Variants in CDH12 observed in about 807,000 individuals in gnomAD.
The protein encoded by CDH12 is cadherin-12.
A neutral mutation model predicts 74.1 loss-of-function variants in CDH12; 41 were observed. That is an observed-to-expected ratio of 0.55 (90% CI 0.43 to 0.72). CDH12 has a LOEUF of 0.72. Among genes scored for constraint, CDH12 ranks in the 30% least tolerant of loss-of-function variants. The pLI is 0.00. For missense variants in CDH12, 945 were observed against 977.2 expected (o/e 0.97, Z 0.44); for synonymous variants, 399 against 355.0 (o/e 1.12, Z -1.39).
intron 1 of CDH12, among the ~76,000 whole-genome samples, chr5:22,685,717 A>C (rs925550385): frequency 6.6e-6 from 1 of 152,230 alleles, no homozygotes; most frequent in Non-Finnish European, 1.5e-5. Context: ...CAATGTCGTA[A>C]CATGCATCAT....
At chr5:22,496,395 G>A (rs147325113) in intron 2 of CDH12, among the ~76,000 whole-genome samples, 131 of 152,278 alleles carry the variant, frequency 8.6e-4, no homozygotes, top group African/African-American at 3.1e-3. Context: ...ACATAATGTA[G>A]ATGGATTTTG....
chr5:22,557,319 A>C (rs561269790), intron 1 of CDH12, among the ~76,000 whole-genome samples: 1 of 152,250 alleles, frequency 6.6e-6, no homozygotes, highest in African/African-American at 2.4e-5. Context: ...TGAAAGTATA[A>C]CAATGCAATT....
intron 1 of CDH12, among the ~76,000 whole-genome samples, chr5:22,597,809 T>C (rs1270850571): frequency 2.0e-5 from 3 of 152,214 alleles, no homozygotes; most frequent in Admixed American, 1.3e-4. Flanking sequence ...ACTTCCATAA[T>C]ATTGTTCAAG....
intron 1 of CDH12, among the ~76,000 whole-genome samples, chr5:22,792,237 C>T (rs1311531116): frequency 4.0e-5 from 6 of 151,714 alleles, no homozygotes; most frequent in African/African-American, 9.7e-5. Flanking sequence ...TACAGGTGCC[C>T]GCCATCACGC....
chr5:22,818,285 T>C (rs1388695401), intron 1 of CDH12, among the ~76,000 whole-genome samples: 2 of 152,186 alleles, frequency 1.3e-5, no homozygotes, highest in Non-Finnish European at 2.9e-5. Flanking sequence ...TAGACAGCTC[T>C]ACTTTTCTGT....
chr5:21,775,721 ATT>A (rs1043033534), intron 11 of CDH12, among the ~76,000 whole-genome samples: 1 of 151,732 alleles, frequency 6.6e-6, no homozygotes, highest in Admixed American at 6.6e-5. Context: ...CTTCAAAGTA[ATT>A]TTTTTTAAAA....
At chr5:21,791,739 A>C (rs1746510670) in intron 10 of CDH12, among the ~76,000 whole-genome samples, 2 of 151,900 alleles carry the variant, frequency 1.3e-5, no homozygotes, top group Non-Finnish European at 2.9e-5. Context: ...ACATTAACCT[A>C]GTCTGCGCAG....
At chr5:22,183,539 T>G (rs1397478064) in intron 4 of CDH12, among the ~76,000 whole-genome samples, 1 of 152,216 alleles carries the variant, frequency 6.6e-6, no homozygotes, top group African/African-American at 2.4e-5. Flanking sequence ...GGTAACCAGA[T>G]AAGAAAGCAC....
At chr5:22,093,290 T>G (rs1395977423) in intron 4 of CDH12, among the ~76,000 whole-genome samples, 1 of 152,156 alleles carries the variant, frequency 6.6e-6, no homozygotes, top group Non-Finnish European at 1.5e-5. Context: ...TTAAAACAAT[T>G]GAATGTATGA....
At chr5:21,792,967 T>C (rs562135081) in intron 10 of CDH12, among the ~76,000 whole-genome samples, 10 of 151,820 alleles carry the variant, frequency 6.6e-5, no homozygotes, top group Admixed American at 1.3e-4. Flanking sequence ...AAGTAAAGAA[T>C]GTGTGCAGTA....
intron 5 of CDH12, among the ~76,000 whole-genome samples, chr5:22,032,132 C>T (rs1285227715): frequency 1.3e-5 from 2 of 151,404 alleles, no homozygotes; most frequent in African/African-American, 4.9e-5. Flanking sequence ...AACTACATAT[C>T]ATTTATGAAC....
intron 3 of CDH12, among the ~76,000 whole-genome samples, chr5:22,363,586 T>A (rs888910505): frequency 6.6e-6 from 1 of 152,172 alleles, no homozygotes; most frequent in Non-Finnish European, 1.5e-5. Context: ...ATTTAATAAG[T>A]TTTTCTTTCT....
intron 3 of CDH12, among the ~76,000 whole-genome samples, chr5:22,326,720 C>A (rs1561315423): frequency 6.6e-6 from 1 of 152,092 alleles, no homozygotes; most frequent in South Asian, 2.1e-4. Flanking sequence ...CTATAAAATC[C>A]TGTCAAATTC....
intron 5 of CDH12, among the ~76,000 whole-genome samples, chr5:22,004,883 A>G (rs1157115957): frequency 1.3e-5 from 2 of 152,130 alleles, no homozygotes; most frequent in East Asian, 3.9e-4. Context: ...GCTTCCACTT[A>G]TAAGTGAGAA....
intron 3 of CDH12, among the ~76,000 whole-genome samples, chr5:22,355,657 T>A (rs1177579471): frequency 1.3e-5 from 2 of 151,728 alleles, no homozygotes; most frequent in Admixed American, 1.3e-4. Context: ...TAAGGAAGAG[T>A]GACCTGCTCT....
intron 2 of CDH12, among the ~76,000 whole-genome samples, chr5:22,433,972 C>A (rs963034881): frequency 2.0e-5 from 3 of 152,134 alleles, no homozygotes; most frequent in Non-Finnish European, 4.4e-5. Flanking sequence ...TGCTTCTATA[C>A]GTTCTGTAAG....
intron 1 of CDH12, among the ~76,000 whole-genome samples, chr5:22,609,885 G>A (rs1737308027): frequency 1.3e-5 from 2 of 152,172 alleles, no homozygotes; most frequent in African/African-American, 4.8e-5. Context: ...GTTAAAAGAG[G>A]TAAAGCCCAT....
At chr5:21,997,610 A>G (rs1018620385) in intron 5 of CDH12, among the ~76,000 whole-genome samples, 1 of 152,148 alleles carries the variant, frequency 6.6e-6, no homozygotes, top group African/African-American at 2.4e-5. Flanking sequence ...TTCTCCATGG[A>G]AAACTATGTG....
At chr5:22,786,917 A>G (rs923590723) in intron 1 of CDH12, among the ~76,000 whole-genome samples, 7 of 151,926 alleles carry the variant, frequency 4.6e-5, no homozygotes, top group African/African-American at 1.7e-4. Context: ...ACGGGGTTTC[A>G]CCATGTTGGC....
Sources: allele counts gnomAD v4.1 joint callset (sites outside exome capture counted in the v4.1 genomes callset), GRCh38; gene constraint gnomAD v4.1.1; transcripts MANE v1.5; gene names NCBI Gene and HGNC (gene_info 2026-07-23, HGNC 2026-07-21).